EYS: variants seen among roughly 807,000 people sequenced by gnomAD.
EYS encodes the protein protein eyes shut homolog.
Under a neutral mutation model 282.1 loss-of-function variants are expected in EYS, and 250 were observed. That is an observed-to-expected ratio of 0.89 (90% CI 0.80 to 0.98). The LOEUF (loss-of-function observed/expected upper bound fraction) is 0.98. Ranked by LOEUF, EYS falls within the 50% of genes least tolerant of loss-of-function variation. EYS has a pLI of 0.00. For synonymous variants in EYS, 1,355 were observed against 1,282.9 expected, an observed-to-expected ratio of 1.06 and a Z score of -1.20; for missense variants, 4,016 against 3,709.0, an observed-to-expected ratio of 1.08 and a Z score of -2.15.
chr6:63,726,272 G>A (rs954421157), intron 42 of EYS, among the ~76,000 whole-genome samples: 5 of 151,910 alleles, frequency 3.3e-5, no homozygotes, highest in African/African-American at 1.2e-4. Context: ...CTTTTTTGAT[G>A]GTATTGTTTT....
intron 22 of EYS, among the ~76,000 whole-genome samples, chr6:64,682,261 C>T (rs111750712): frequency 0.021 from 3,125 of 151,930 alleles, 108 homozygotes; most frequent in African/African-American, 0.071. Flanking sequence ...CCAGCTACTC[C>T]GGAGGCTGAG....
At chr6:64,755,497 TACACACACACACACACACACACACACAC>T in intron 22 of EYS, among the ~76,000 whole-genome samples, 1 of 139,018 alleles carries the variant, frequency 7.2e-6, no homozygotes, top group Non-Finnish European at 1.6e-5. Flanking sequence ...AGAACATACA[TACACACACACACACACACACACACACAC>T]ACACACACAC....
At chr6:65,283,906 T>A (rs1253587391) in intron 12 of EYS, among the ~76,000 whole-genome samples, 1 of 152,156 alleles carries the variant, frequency 6.6e-6, no homozygotes, top group Non-Finnish European at 1.5e-5. Context: ...ACAATCTAAA[T>A]AATTGCTTAC....
At chr6:64,633,461 T>A (rs1002258015) in intron 22 of EYS, among the ~76,000 whole-genome samples, 1 of 152,112 alleles carries the variant, frequency 6.6e-6, no homozygotes, top group African/African-American at 2.4e-5. Context: ...TGCAGGTTGT[T>A]TATTTAGAAG....
At chr6:64,916,863 C>A (rs893841783) in intron 15 of EYS, among the ~76,000 whole-genome samples, 19 of 152,194 alleles carry the variant, frequency 1.2e-4, no homozygotes, top group African/African-American at 2.9e-4. Context: ...ACATTGAACA[C>A]TTCTAAGGAC....
At chr6:64,677,856 C>T (rs1769748598) in intron 22 of EYS, among the ~76,000 whole-genome samples, 1 of 151,522 alleles carries the variant, frequency 6.6e-6, no homozygotes, top group Admixed American at 6.6e-5. Context: ...AATTATCTCC[C>T]TTTAATTACT....
rs185883826 is a variant in EYS, at chr6:65,368,684, C to A, written c.1300-15067G>T. ...TAAATTATTAAAATATATCATAGAA[C>A]TAGAAAAACAGTAACACATGCACAT... On this transcript the variant is annotated intron_variant, in intron 8 of 42. Transcript: ENST00000503581. 2.3e-4 allele frequency among the ~76,000 whole-genome samples: 35 copies of A among 151,652 alleles called. No individual in the cohort carries two copies. In the East Asian group the frequency reaches 6.8e-3, roughly 29 times the overall value.
At chr6:64,423,201 T>G (rs1178225750) in intron 28 of EYS, among the ~76,000 whole-genome samples, 1 of 152,162 alleles carries the variant, frequency 6.6e-6, no homozygotes, top group Non-Finnish European at 1.5e-5. Flanking sequence ...TCTTCATGGA[T>G]TAACAATTAT....
chr6:63,805,802 G>A (rs1329877981), intron 37 of EYS, among the ~76,000 whole-genome samples: 3 of 152,162 alleles, frequency 2.0e-5, no homozygotes, highest in Non-Finnish European at 4.4e-5. Context: ...TACTAGGCAC[G>A]TCTTCCTGCT....
At position 65,384,429 on chromosome 6, in the gene EYS, C is replaced by T; in HGVS notation, c.1256G>A (p.Cys419Tyr). ...ATTGAAACACCATTCTTCATTCAGA[C>T]AGTTGATGCTGAGCAGTTTACAGTG... ...IDHCKLLSIN[C>Y]LNEEWCFNII... Residue 419 changes from cysteine (C) to tyrosine (Y), a missense_variant, in exon 8 of 43, where the codon TGT becomes TAT. Physicochemically the swap from Cys to Tyr is radical, Grantham distance 194 (BLOSUM62 -2). Coordinates refer to ENST00000503581, the MANE Select transcript of EYS (RefSeq NM_001142800.2). 6.2e-7 allele frequency: 1 copy of T among 1,609,358 alleles called. No homozygotes were observed. Among genetic ancestry groups the T allele is most frequent in the Non-Finnish European group, 8.5e-7 (1 of 1,177,376 alleles).
chr6:64,752,404 AAG>A (rs1271570420), intron 22 of EYS, among the ~76,000 whole-genome samples: 2 of 152,134 alleles, frequency 1.3e-5, no homozygotes, highest in Non-Finnish European at 2.9e-5. Flanking sequence ...AAGCAGAAGA[AAG>A]AATTTCAGAG....
intron 22 of EYS, among the ~76,000 whole-genome samples, chr6:64,763,185 A>G (rs995681068): frequency 6.6e-6 from 1 of 152,188 alleles, no homozygotes; most frequent in Non-Finnish European, 1.5e-5. Flanking sequence ...ATTTTAAGGA[A>G]CTATTTTTAT....
At chr6:64,140,213 A>C (rs375932252) in intron 31 of EYS, among the ~76,000 whole-genome samples, 34 of 152,288 alleles carry the variant, frequency 2.2e-4, no homozygotes, top group East Asian at 2.1e-3. Context: ...CTGAATGTTT[A>C]TATTGATTAA....
At chr6:64,428,552 C>T (rs565611148) in intron 28 of EYS, among the ~76,000 whole-genome samples, 12 of 152,146 alleles carry the variant, frequency 7.9e-5, no homozygotes, top group South Asian at 2.1e-4. Context: ...TTGAAGGACA[C>T]GAGTAATCAG....
intron 26 of EYS, among the ~76,000 whole-genome samples, chr6:64,580,204 C>T (rs11757603): frequency 1.3e-5 from 2 of 151,914 alleles, no homozygotes; most frequent in African/African-American, 2.4e-5. Flanking sequence ...ATTCTTACAG[C>T]AAAGCTTTGG....
At position 64,039,362 on chromosome 6, in the gene EYS, T is replaced by C. The variant is rs1318190294; in HGVS notation, c.6725+26976A>G. Among the ~76,000 whole-genome samples, 4 of 152,254 alleles carry C rather than the reference T, an allele frequency of 2.6e-5. No homozygotes were observed. The East Asian group carries it at 7.7e-4, about 29-fold the overall frequency. ...TCAACTGCTTAAAGGAGAGTAAAAT[T>C]TCTGAGGCATGGTATTGCAAAGCAA... is the stretch of plus-strand genomic sequence containing the variant. On this transcript the variant is annotated intron_variant, in intron 33 of 42. Transcript: ENST00000503581.
intron 24 of EYS, among the ~76,000 whole-genome samples, chr6:64,616,008 A>G (rs2149848234): frequency 6.6e-6 from 1 of 152,230 alleles, no homozygotes; most frequent in South Asian, 2.1e-4. Flanking sequence ...ATAGATTCAT[A>G]TTTCACATGT....
At chr6:64,096,715 G>T (rs1172273155) in intron 31 of EYS, among the ~76,000 whole-genome samples, 1 of 152,104 alleles carries the variant, frequency 6.6e-6, no homozygotes, top group South Asian at 2.1e-4. Context: ...TTTTAGCTCG[G>T]TGTAGTTTGA....
intron 12 of EYS, among the ~76,000 whole-genome samples, chr6:65,197,219 A>G (rs1765791365): frequency 6.6e-6 from 1 of 152,126 alleles, no homozygotes; most frequent in Non-Finnish European, 1.5e-5. Flanking sequence ...ACGCTAAAAT[A>G]AATATGTAGA....
Sources: allele counts gnomAD v4.1 joint callset (sites outside exome capture counted in the v4.1 genomes callset), GRCh38; gene constraint gnomAD v4.1.1; transcripts MANE v1.5; gene names NCBI Gene and HGNC (gene_info 2026-07-23, HGNC 2026-07-21).